CEMIP: variants seen among roughly 807,000 people sequenced by gnomAD.
CEMIP encodes the protein cell migration-inducing and hyaluronan-binding protein.
A neutral mutation model predicts 156.9 loss-of-function variants in CEMIP; 105 were observed. That is an observed-to-expected ratio of 0.67 (90% confidence interval 0.57 to 0.79). The LOEUF (loss-of-function observed/expected upper bound fraction) is 0.79. Among genes scored for constraint, CEMIP ranks in the 30% least tolerant of loss-of-function variants. The pLI is 0.00. For missense variants in CEMIP, 1,457 were observed against 1,769.4 expected, an observed-to-expected ratio of 0.82 and a Z score of 3.17; for synonymous variants, 676 against 668.4, an observed-to-expected ratio of 1.01 and a Z score of -0.17.
chr15:80,837,078 G>T (rs953824941), intron 1 of CEMIP, among the ~76,000 whole-genome samples: 1 of 152,216 alleles, frequency 6.6e-6, no homozygotes, highest in Non-Finnish European at 1.5e-5. Context: ...GCAATCATCT[G>T]CTGACTGTGG....
chr15:80,821,395 G>A (rs1001236648), intron 1 of CEMIP, among the ~76,000 whole-genome samples: 8 of 152,214 alleles, frequency 5.3e-5, no homozygotes, highest in Non-Finnish European at 1.0e-4. Flanking sequence ...TGTGGAAAGC[G>A]TTTAGGCAGG....
intron 1 of CEMIP, among the ~76,000 whole-genome samples, chr15:80,787,541 C>CGTCA (rs1168759419): frequency 6.6e-6 from 1 of 152,180 alleles, no homozygotes; most frequent in Non-Finnish European, 1.5e-5. Flanking sequence ...GAGGCCTTTG[C>CGTCA]GTCAGCCCAC....
chr15:80,919,248 A>G (rs919967358), intron 14 of CEMIP, among the ~76,000 whole-genome samples: 2 of 152,076 alleles, frequency 1.3e-5, no homozygotes, highest in Non-Finnish European at 2.9e-5. Context: ...TATTGGTCTT[A>G]ATAAAAAGCA....
intron 1 of CEMIP, among the ~76,000 whole-genome samples, chr15:80,865,601 CT>C (rs1898104581): frequency 6.6e-6 from 1 of 150,906 alleles, no homozygotes; most frequent in Non-Finnish European, 1.5e-5. Context: ...AACGTGAGGA[CT>C]TTTTTGCTTA....
At chr15:80,799,231 T>C (rs1046477155) in intron 1 of CEMIP, among the ~76,000 whole-genome samples, 7 of 152,200 alleles carry the variant, frequency 4.6e-5, no homozygotes, top group African/African-American at 1.7e-4. Flanking sequence ...GCACTAAGGA[T>C]TTAGCCAAGT....
chr15:80,808,433 A>G (rs564307202), intron 1 of CEMIP, among the ~76,000 whole-genome samples: 3 of 152,338 alleles, frequency 2.0e-5, no homozygotes, highest in African/African-American at 7.2e-5. Context: ...TCCTAACTTC[A>G]GGTGGGCAGG....
chr15:80,895,138 T>C lies in CEMIP; in HGVS notation c.1219+16T>C. ...GGGAAGCCTGGTAAGCAGCCCCTTG[T>C]CGGGGACACAGATGCAACTATGGCT... On this transcript the variant is annotated intron_variant, in intron 11 of 29. Transcript: ENST00000394685. 1 of 1,614,080 alleles carries C rather than the reference T, an allele frequency of 6.2e-7. No individual in the cohort carries two copies. The highest frequency in any genetic ancestry group is 8.5e-7 in the Non-Finnish European group (1 of 1,179,996).
chr15:80,888,548 T>C (rs1898927572), intron 8 of CEMIP, among the ~76,000 whole-genome samples, 153 bp from the exon 9 acceptor site: 1 of 152,176 alleles, frequency 6.6e-6, no homozygotes, highest in Non-Finnish European at 1.5e-5. Context: ...CCCAAGTGAA[T>C]GAATGTCCTA....
intron 1 of CEMIP, among the ~76,000 whole-genome samples, chr15:80,836,073 A>ATTTTTT (rs55996446): frequency 7.4e-6 from 1 of 134,738 alleles, no homozygotes; most frequent in Admixed American, 7.5e-5. Context: ...GACGGAAGTG[A>ATTTTTT]TTTTTTTTTT....
At chr15:80,882,136 T>C (rs1462003692) in intron 6 of CEMIP, among the ~76,000 whole-genome samples, 1 of 152,160 alleles carries the variant, frequency 6.6e-6, no homozygotes, top group Non-Finnish European at 1.5e-5. Context: ...AGGAGCCAGC[T>C]ACGGTCAGGG....
At chr15:80,938,221 T>G (rs557907865) in intron 25 of CEMIP, 15 of 487,234 alleles carry the variant, frequency 3.1e-5, no homozygotes, top group African/African-American at 1.6e-4. Flanking sequence ...AATTTACATA[T>G]TTCAGAAAAA....
At chr15:80,920,344 A>T (rs750119438) in intron 15 of CEMIP, 45 bp downstream of exon 15, 2 of 1,553,096 alleles carry the variant, frequency 1.3e-6, no homozygotes, top group Non-Finnish European at 1.8e-6. Flanking sequence ...GAAGGGGTGT[A>T]CATGTGTGTG....
intron 28 of CEMIP, among the ~76,000 whole-genome samples, chr15:80,943,601 A>T (rs762562572): frequency 6.6e-6 from 1 of 152,226 alleles, no homozygotes. Context: ...TGATGAAATC[A>T]TCACAATTCA....
At chr15:80,867,587 G>A (rs1017713043) in intron 1 of CEMIP, among the ~76,000 whole-genome samples, 3 of 152,198 alleles carry the variant, frequency 2.0e-5, no homozygotes, top group South Asian at 2.1e-4. Flanking sequence ...TGGGGTCCCC[G>A]CACAGCAGCC....
chr15:80,915,883 G>A (rs1900257965), intron 14 of CEMIP, among the ~76,000 whole-genome samples: 2 of 152,094 alleles, frequency 1.3e-5, no homozygotes, highest in African/African-American at 4.8e-5. Flanking sequence ...CATACTCTAT[G>A]GCAATCTTCT....
intron 1 of CEMIP, among the ~76,000 whole-genome samples, chr15:80,786,695 A>T (rs1161801117): frequency 1.3e-4 from 20 of 152,122 alleles, no homozygotes. Context: ...GATGGGGTAC[A>T]TGGAGGACCA....
At chr15:80,913,841 C>T (rs1427789650) in intron 14 of CEMIP, among the ~76,000 whole-genome samples, 1 of 152,220 alleles carries the variant, frequency 6.6e-6, no homozygotes. Context: ...TGGAAATTCA[C>T]GATGCGTGCT....
rs556633511 is a variant in CEMIP at position 80,915,947 on chromosome 15, TTCCAGTCTTCTTTA to T, written c.1798-4145_1798-4132del. Among the ~76,000 whole-genome samples the T allele has an allele frequency of 3.9e-4, 60 of 152,342 alleles. 1 individual carries two copies. In the East Asian group the frequency reaches 0.011, roughly 28 times the overall value. On this transcript the variant is annotated intron_variant, in intron 14 of 29. Coordinates refer to ENST00000394685, the MANE Select transcript of CEMIP (RefSeq NM_001293298.2). Reference sequence around the variant, plus strand: ...AAAAGTAATGGCAGAAGATTGGAAATTCCAGTCTTCTTTATAACATGGCTGTATTTGTTGTCGAG... The same window carrying T: ...AAAAGTAATGGCAGAAGATTGGAAATTAACATGGCTGTATTTGTTGTCGAG...
chr15:80,817,253 A>G (rs2055713), intron 1 of CEMIP, among the ~76,000 whole-genome samples: 48,810 of 151,914 alleles, frequency 0.32, 7,844 homozygotes, highest in South Asian at 0.39. Flanking sequence ...AGTTGCTCAA[A>G]TAATTGGATA....
Sources: gnomAD v4.1 joint callset for allele counts (sites outside exome capture counted in the v4.1 genomes callset) on GRCh38, gnomAD v4.1.1 for gene constraint, MANE v1.5 for transcripts, NCBI Gene and HGNC (gene_info 2026-07-23, HGNC 2026-07-21) for gene names.